Variants in FAM135B observed in about 807,000 individuals in gnomAD.
The protein encoded by FAM135B is protein FAM135B.
Under a neutral mutation model 127.7 loss-of-function variants are expected in FAM135B, and 43 were observed. That is an observed-to-expected ratio of 0.34 (90% CI 0.26 to 0.43). The LOEUF is 0.43. Ranked by LOEUF, FAM135B falls within the 20% of genes least tolerant of loss-of-function variation. The pLI is 1.00. For missense variants in FAM135B, 1,558 were observed against 1,725.6 expected (o/e 0.90, Z 1.72); for synonymous variants, 670 against 665.1 (o/e 1.01, Z -0.11).
intron 7 of FAM135B, among the ~76,000 whole-genome samples, chr8:138,230,670 A>G (rs1819840132): frequency 6.6e-6 from 1 of 152,090 alleles, no homozygotes; most frequent in Non-Finnish European, 1.5e-5. Flanking sequence ...ACTGTTCACC[A>G]TTATTCTTAT....
intron 2 of FAM135B, among the ~76,000 whole-genome samples, chr8:138,359,008 G>A (rs1830253619): frequency 6.6e-6 from 1 of 152,016 alleles, no homozygotes; most frequent in South Asian, 2.1e-4. Flanking sequence ...GGCTCATGAA[G>A]TCACAGATTA....
chr8:138,132,699 T>C lies in FAM135B; in HGVS notation c.4115A>G (p.Asn1372Ser), dbSNP rs2130485720. The C allele has an allele frequency of 6.2e-7, 1 of 1,614,146 alleles. No individual in the cohort carries two copies. The highest frequency in any genetic ancestry group is 8.5e-7 in the Non-Finnish European group (1 of 1,180,034). Residue 1372 changes from asparagine to serine, a missense_variant, in exon 20 of 20, where the codon AAC (asparagine) becomes AGC (serine). Asn to Ser is a conservative substitution (Grantham distance 46). Around this residue, in one of 5 missense-constraint regions of FAM135B, gnomAD observed 194 missense variants for 333.8 expected, o/e 0.58. Coordinates refer to ENST00000395297, the MANE Select transcript of FAM135B (RefSeq NM_015912.4). The surrounding 1 kb of genome is among the most constrained non-coding windows in gnomAD (Gnocchi z 4.5). ...TCGGCCGATCAGGGTGTTGGCAGTGTTGGGCAGGGCGTGGAACACGTTGTG... is the reference window on the plus strand; with the variant it reads ...TCGGCCGATCAGGGTGTTGGCAGTGCTGGGCAGGGCGTGGAACACGTTGTG... ...IRHNVFHALP[N>S]TANTLIGRAA...
chr8:138,364,092 A>G (rs1057261398), intron 2 of FAM135B, among the ~76,000 whole-genome samples: 2 of 152,140 alleles, frequency 1.3e-5, no homozygotes, highest in African/African-American at 4.8e-5. Flanking sequence ...TTCAGAAGCT[A>G]CCCTGGGGCC....
At chr8:138,405,947 C>A (rs1833458122) in intron 1 of FAM135B, among the ~76,000 whole-genome samples, 1 of 151,914 alleles carries the variant, frequency 6.6e-6, no homozygotes, top group Non-Finnish European at 1.5e-5. Context: ...TTTTGATTTG[C>A]ATTTCTCTGA....
At chr8:138,376,301 A>G (rs1831467296) in intron 1 of FAM135B, among the ~76,000 whole-genome samples, 1 of 152,072 alleles carries the variant, frequency 6.6e-6, no homozygotes, top group Non-Finnish European at 1.5e-5. Flanking sequence ...AGTTCTCACT[A>G]TCATTAGCTC....
At chr8:138,488,139 A>C (rs955485234) in intron 1 of FAM135B, among the ~76,000 whole-genome samples, 8 of 152,194 alleles carry the variant, frequency 5.3e-5, no homozygotes, top group African/African-American at 1.9e-4. Context: ...CCACCTTCTG[A>C]CCCAGGAACT....
At chr8:138,296,975 C>A (rs1266052111) in intron 3 of FAM135B, among the ~76,000 whole-genome samples, 1 of 152,176 alleles carries the variant, frequency 6.6e-6, no homozygotes, top group Admixed American at 6.5e-5. Flanking sequence ...CACACATAGC[C>A]CAATTTGTCA....
rs548111702 is a variant in FAM135B at position 138,384,630 on chromosome 8, G to A, written c.-19-16628C>T. Among the ~76,000 whole-genome samples the A allele has an allele frequency of 6.8e-4, 103 of 152,220 alleles. 1 individual carries two copies. Among genetic ancestry groups the A allele is most frequent in the African/African-American group, 2.2e-3 (91 of 41,558 alleles). ...CTACAGAGAGAGAGAGACAGTGTACGTGTGTGAGTATGTGTGTGTGTGCAC... is the reference window on the plus strand; with the variant it reads ...CTACAGAGAGAGAGAGACAGTGTACATGTGTGAGTATGTGTGTGTGTGCAC... On this transcript the variant is annotated intron_variant, in intron 1 of 19. Transcript: ENST00000395297.
intron 1 of FAM135B, among the ~76,000 whole-genome samples, chr8:138,375,629 T>C (rs1294923392): frequency 1.3e-5 from 2 of 152,208 alleles, no homozygotes; most frequent in African/African-American, 4.8e-5. Context: ...TGTTAATATA[T>C]CTAGTTAATT....
At chr8:138,203,432 C>T (rs1817301865) in intron 7 of FAM135B, among the ~76,000 whole-genome samples, 1 of 152,204 alleles carries the variant, frequency 6.6e-6, no homozygotes, top group Admixed American at 6.5e-5. Flanking sequence ...GATGGTTCTA[C>T]CTCTCAAATT....
chr8:138,197,143 G>C (rs978062258), intron 8 of FAM135B, among the ~76,000 whole-genome samples: 6 of 150,762 alleles, frequency 4.0e-5, no homozygotes. Context: ...TATGAGGATT[G>C]TTTTACACTC....
rs111398399 is a variant in FAM135B, at chr8:138,283,959, G to A, written c.158-18117C>T. 6.1e-4 allele frequency among the ~76,000 whole-genome samples: 92 copies of A among 152,064 alleles called. 1 individual carries two copies. Among genetic ancestry groups the A allele is most frequent in the African/African-American group, 2.1e-3 (87 of 41,492 alleles). Reference sequence around the variant, plus strand: ...TGACAGGGAGGGGCTGGCAGGCCAGGGAGCTGGAGAACAGTGAGCTGGACA... The same window carrying A: ...TGACAGGGAGGGGCTGGCAGGCCAGAGAGCTGGAGAACAGTGAGCTGGACA... On this transcript the variant is annotated intron_variant, in intron 3 of 19. Coordinates refer to ENST00000395297, the MANE Select transcript of FAM135B (RefSeq NM_015912.4).
chr8:138,314,929 G>T (rs1405821156), intron 2 of FAM135B, among the ~76,000 whole-genome samples: 1 of 139,074 alleles, frequency 7.2e-6, no homozygotes, highest in African/African-American at 2.6e-5. Flanking sequence ...TATACAAATA[G>T]AGAAAATAGT....
At chr8:138,488,046 G>A (rs1437431241) in intron 1 of FAM135B, among the ~76,000 whole-genome samples, 1 of 152,036 alleles carries the variant, frequency 6.6e-6, no homozygotes, top group Non-Finnish European at 1.5e-5. Flanking sequence ...GTCATCTGAG[G>A]AGATGGACAG....
At chr8:138,277,395 C>T (rs1419268164) in intron 3 of FAM135B, among the ~76,000 whole-genome samples, 1 of 152,212 alleles carries the variant, frequency 6.6e-6, no homozygotes, top group Non-Finnish European at 1.5e-5. Flanking sequence ...GCCTGCATAC[C>T]TCAGAGTCCC....
rs532407354 is a variant in FAM135B at position 138,229,751 on chromosome 8, G to A, written c.669+13191C>T. On this transcript the variant is annotated intron_variant, in intron 7 of 19. Coordinates refer to ENST00000395297, the MANE Select transcript of FAM135B (RefSeq NM_015912.4). ...ACTCCCAGTTTCACATGGCTGGGGAGGCCTCAAGAAACTTACAATCATGGC... is the reference window on the plus strand; with the variant it reads ...ACTCCCAGTTTCACATGGCTGGGGAAGCCTCAAGAAACTTACAATCATGGC... 2.0e-5 allele frequency among the ~76,000 whole-genome samples: 3 copies of A among 152,290 alleles called. No homozygotes were observed. In the South Asian group the frequency reaches 6.2e-4, roughly 32 times the overall value.
intron 1 of FAM135B, among the ~76,000 whole-genome samples, chr8:138,395,251 G>T (rs1832785369): frequency 6.6e-6 from 1 of 152,106 alleles, no homozygotes; most frequent in Non-Finnish European, 1.5e-5. Flanking sequence ...CTCCTCTGTA[G>T]CCCCTCCACA....
At chr8:138,363,597 C>T (rs976106161) in intron 2 of FAM135B, among the ~76,000 whole-genome samples, 1 of 152,106 alleles carries the variant, frequency 6.6e-6, no homozygotes, top group Non-Finnish European at 1.5e-5. Context: ...TCCATATAGA[C>T]TTTGGATGAA....
At chr8:138,232,194 T>A (rs889056421) in intron 7 of FAM135B, among the ~76,000 whole-genome samples, 1 of 152,206 alleles carries the variant, frequency 6.6e-6, no homozygotes, top group Non-Finnish European at 1.5e-5. Context: ...TCAGTATGTA[T>A]CTACTTCATG....
Sources: gnomAD v4.1 joint callset for allele counts (sites outside exome capture counted in the v4.1 genomes callset) on GRCh38, gnomAD v4.1.1 for gene constraint, gnomAD v4.1.1 regional missense constraint, Gnocchi (gnomAD v3.1) non-coding constraint, MANE v1.5 for transcripts, NCBI Gene and HGNC (gene_info 2026-07-23, HGNC 2026-07-21) for gene names.